The following PREX2 variants were observed in gnomAD, a reference collection of about 807,000 sequenced individuals.
The protein encoded by PREX2 is phosphatidylinositol 3,4,5-trisphosphate-dependent Rac exchanger 2 protein.
A neutral mutation model predicts 203.2 loss-of-function variants in PREX2; 107 were observed. The observed-to-expected ratio is 0.53, with a 90% CI of 0.45 to 0.62. The LOEUF is 0.62. Among genes scored for constraint, PREX2 ranks in the 20% least tolerant of loss-of-function variants. The probability of loss-of-function intolerance (pLI) is 0.00; values close to 1 mark genes in which losing one functional copy is unlikely to be tolerated. For missense variants in PREX2, 1,777 were observed against 1,955.9 expected (o/e 0.91, Z 1.72); for synonymous variants, 672 against 663.6 (o/e 1.01, Z -0.19).
In PREX2 at chr8:68,191,763, C is replaced by T; in HGVS notation, c.4388C>T (p.Thr1463Ile). ...LDKSNSPPNS[T>I]SKAAYVDKLM... The stretch of plus-strand genomic sequence containing the variant: ...AAGTCAAATTCACCACCAAACTCCA[C>T]ATCCAAAGCTGCCTATGTAGATAAG... Residue 1463 changes from threonine (T) to isoleucine (I), a missense_variant, in exon 36 of 40, where the codon ACA (threonine) becomes ATA (isoleucine). Coordinates refer to ENST00000288368, the MANE Select transcript of PREX2 (RefSeq NM_024870.4). The T allele has an allele frequency of 6.2e-7, 1 of 1,609,780 alleles. No homozygotes were observed. Among genetic ancestry groups the T allele is most frequent in the South Asian group, 1.1e-5 (1 of 90,926 alleles).
At chr8:67,959,786 G>A (rs1805585487) in intron 1 of PREX2, among the ~76,000 whole-genome samples, 1 of 152,128 alleles carries the variant, frequency 6.6e-6, no homozygotes, top group South Asian at 2.1e-4. Flanking sequence ...ACACATACCA[G>A]AGGCTCTCCC....
intron 20 of PREX2, 53 bp downstream of exon 20, chr8:68,090,768 T>G: frequency 4.0e-6 from 6 of 1,511,206 alleles, no homozygotes; most frequent in Non-Finnish European, 5.4e-6. Flanking sequence ...CATAAAGACC[T>G]AAGGGGTTGA....
At chr8:68,163,983 C>T (rs557043250) in intron 35 of PREX2, among the ~76,000 whole-genome samples, 3 of 152,222 alleles carry the variant, frequency 2.0e-5, no homozygotes, top group Admixed American at 1.3e-4. Flanking sequence ...TGAAAGCCAA[C>T]GAGATCAGGT....
Position 67,970,604 on chromosome 8 carries a change from A to T in PREX2, c.141+18069A>T, listed in dbSNP as rs114623773. Among the ~76,000 whole-genome samples, 758 of 152,356 alleles carry T rather than the reference A, an allele frequency of 5.0e-3. 7 individuals carry two copies. The highest frequency in any genetic ancestry group is 0.017 in the African/African-American group (709 of 41,594). On this transcript the variant is annotated intron_variant, in intron 1 of 39. Transcript: ENST00000288368. The stretch of plus-strand genomic sequence containing the variant: ...TATACCAAACATAACTTGGAGTTAG[A>T]GTTCTCACACTAATAGCTACAGACT...
chr8:68,038,679 A>G (rs1200629423), intron 7 of PREX2, among the ~76,000 whole-genome samples: 1 of 152,082 alleles, frequency 6.6e-6, no homozygotes, highest in Non-Finnish European at 1.5e-5. Context: ...TGTGAAGTTC[A>G]TGCCATGAGT....
chr8:68,027,542 A>G (rs943705238), intron 5 of PREX2, among the ~76,000 whole-genome samples: 8 of 152,080 alleles, frequency 5.3e-5, no homozygotes, highest in Admixed American at 4.6e-4. Flanking sequence ...CTCTTTGTAT[A>G]AAACATACTT....
Position 68,030,539 on chromosome 8 carries a change from G to T in PREX2, c.586G>T (p.Ala196Ser). The T allele has an allele frequency of 6.2e-7, 1 of 1,613,592 alleles. No individual in the cohort carries two copies. Among genetic ancestry groups the T allele is most frequent in the Non-Finnish European group, 8.5e-7 (1 of 1,179,672 alleles). ...TCCACGGAAACACAGTGACTATGCA[G>T]CAGTGATGGAAGCCCTCCAAGCCAT... ...RTPRKHSDYA[A>S]VMEALQAMKA... The change falls in exon 6 of 40, where the codon GCA (alanine) becomes TCA (serine). Residue 196 changes from alanine to serine, a missense_variant. Transcript: ENST00000288368.
At chr8:68,008,104 C>T (rs1312909144) in intron 1 of PREX2, among the ~76,000 whole-genome samples, 1 of 152,182 alleles carries the variant, frequency 6.6e-6, no homozygotes, top group Non-Finnish European at 1.5e-5. Flanking sequence ...CTGTTCACCA[C>T]TTCATGTTGC....
intron 1 of PREX2, among the ~76,000 whole-genome samples, chr8:68,010,232 C>T (rs1477577523): frequency 6.6e-6 from 1 of 152,120 alleles, no homozygotes; most frequent in Non-Finnish European, 1.5e-5. Flanking sequence ...GGATCCTGAG[C>T]AGAAAAGATC....
chr8:68,006,206 C>T (rs1418746874), intron 1 of PREX2, among the ~76,000 whole-genome samples: 1 of 152,172 alleles, frequency 6.6e-6, no homozygotes, highest in Non-Finnish European at 1.5e-5. Context: ...TAAGAGGAGC[C>T]TCCTCTTCCC....
intron 7 of PREX2, among the ~76,000 whole-genome samples, chr8:68,042,497 C>G (rs1347459057): frequency 6.6e-6 from 1 of 151,914 alleles, no homozygotes; most frequent in Non-Finnish European, 1.5e-5. Flanking sequence ...AAAATTTATT[C>G]ATTTTACCTG....
intron 8 of PREX2, among the ~76,000 whole-genome samples, chr8:68,045,961 AC>A (rs61219793): frequency 0.11 from 17,103 of 152,004 alleles, 1,021 homozygotes; most frequent in Middle Eastern, 0.13. Context: ...TGCCTCTGTA[AC>A]CTGCATGTTC....
intron 1 of PREX2, among the ~76,000 whole-genome samples, chr8:68,010,194 G>A (rs967548277): frequency 2.0e-5 from 3 of 152,182 alleles, no homozygotes; most frequent in African/African-American, 7.2e-5. Flanking sequence ...AGATTGACAT[G>A]TATACCAAAC....
intron 6 of PREX2, among the ~76,000 whole-genome samples, chr8:68,034,661 T>C (rs1466495558): frequency 6.6e-6 from 1 of 152,144 alleles, no homozygotes; most frequent in Non-Finnish European, 1.5e-5. Flanking sequence ...TACTACCTTT[T>C]TACATGGAAA....
At chr8:68,195,484 TTTAA>T in intron 37 of PREX2, among the ~76,000 whole-genome samples, 1 of 152,362 alleles carries the variant, frequency 6.6e-6, no homozygotes, top group African/African-American at 2.4e-5. Context: ...TAAAATACTC[TTTAA>T]TTTTTCAGTG....
At chr8:68,184,190 A>C (rs904197106) in intron 35 of PREX2, among the ~76,000 whole-genome samples, 1 of 152,138 alleles carries the variant, frequency 6.6e-6, no homozygotes, top group African/African-American at 2.4e-5. Context: ...TTCTTTAACC[A>C]CATGTGGCCG....
chr8:67,953,420 A>G (rs1585648819), intron 1 of PREX2, among the ~76,000 whole-genome samples: 1 of 152,066 alleles, frequency 6.6e-6, no homozygotes, highest in Non-Finnish European at 1.5e-5. Flanking sequence ...AATTTTTCCT[A>G]TTCATTGCTG....
intron 30 of PREX2, among the ~76,000 whole-genome samples, chr8:68,125,693 T>C (rs1810872623): frequency 6.6e-6 from 1 of 152,136 alleles, no homozygotes; most frequent in South Asian, 2.1e-4. Flanking sequence ...TAAATTCAGA[T>C]GTTTATTAGT....
chr8:68,172,429 T>TTAAA (rs1441034422), intron 35 of PREX2, among the ~76,000 whole-genome samples: 31 of 152,168 alleles, frequency 2.0e-4, no homozygotes, highest in African/African-American at 6.5e-4. Context: ...CTCACAAGAG[T>TTAAA]TAAATTGCTG....
Sources: gnomAD v4.1 joint callset for allele counts (sites outside exome capture counted in the v4.1 genomes callset) on GRCh38, gnomAD v4.1.1 for gene constraint, MANE v1.5 for transcripts, NCBI Gene and HGNC (gene_info 2026-07-23, HGNC 2026-07-21) for gene names.